YTHDC2: variants seen among roughly 807,000 people sequenced by gnomAD.
The protein encoded by YTHDC2 is 3'-5' RNA helicase YTHDC2.
Under a neutral mutation model 174.9 loss-of-function variants are expected in YTHDC2, and 45 were observed. That is an observed-to-expected ratio of 0.26 (90% CI 0.20 to 0.33). The LOEUF (loss-of-function observed/expected upper bound fraction) is 0.33. YTHDC2 is among the 10% of genes least tolerant of loss of function. The pLI is 1.00. For missense variants in YTHDC2, 1,650 were observed against 1,723.7 expected (o/e 0.96, Z 0.76); for synonymous variants, 657 against 574.5 (o/e 1.14, Z -2.05).
intron 4 of YTHDC2, among the ~76,000 whole-genome samples, chr5:113,530,062 A>G (rs780290310): frequency 6.6e-5 from 10 of 152,010 alleles, no homozygotes; most frequent in Non-Finnish European, 1.5e-4. Context: ...TCTGCCTCCT[A>G]AGTAGCTGGA....
At position 113,548,523 on chromosome 5, in the gene YTHDC2, A is replaced by C; in HGVS notation, c.1496-18A>C. On this transcript the variant is annotated intron_variant, in intron 10 of 29. Coordinates refer to ENST00000161863, the MANE Select transcript of YTHDC2 (RefSeq NM_022828.5). ...TACTTTGGAAATTTAAGTTTTATTT[A>C]TCTTTTCCTTTTTTTAGTTGATTAC... The C allele has an allele frequency of 6.4e-7, 1 of 1,572,592 alleles. No individual in the cohort carries two copies. The highest frequency in any genetic ancestry group is 1.2e-5 in the South Asian group (1 of 84,544).
Position 113,591,052 on chromosome 5 carries a change from T to A in YTHDC2, c.3837T>A (p.Ser1279=). 6.2e-7 allele frequency: 1 copy of A among 1,613,506 alleles called. No homozygotes were observed. The highest frequency in any genetic ancestry group is 8.5e-7 in the Non-Finnish European group (1 of 1,179,720). The change falls in exon 27 of 30, where the codon TCT becomes TCA. Residue 1279 remains serine (S), a synonymous_variant. Transcript: ENST00000161863. The part of the protein sequence containing the change: ...SPPSSGKGSK[S]PSPRPNMPVR... ...GTTTTCTTTTATAGGGCTCAAAATC[T>A]CCTTCGCCAAGACCAAACATGCCTG...
intron 23 of YTHDC2, among the ~76,000 whole-genome samples, chr5:113,572,474 A>C (rs2162841): frequency 0.12 from 18,962 of 152,296 alleles, 1,429 homozygotes; most frequent in Non-Finnish European, 0.18. Flanking sequence ...GTAGATATCT[A>C]TCAGGTCCAC....
intron 4 of YTHDC2, 26 bp downstream of exon 4, chr5:113,526,811 GAAAAAAAAAA>G: frequency 3.9e-6 from 1 of 256,432 alleles, no homozygotes; most frequent in East Asian, 1.3e-4. Flanking sequence ...GTTGTTTATA[GAAAAAAAAAA>G]AAAAAATATA....
At chr5:113,565,374 G>A (rs1197148901) in intron 20 of YTHDC2, among the ~76,000 whole-genome samples, 1 of 152,106 alleles carries the variant, frequency 6.6e-6, no homozygotes, top group Non-Finnish European at 1.5e-5. Flanking sequence ...AAGCAGAGAG[G>A]ATAAATTATT....
chr5:113,559,782 C>A (rs1465179433), intron 17 of YTHDC2, among the ~76,000 whole-genome samples: 1 of 152,202 alleles, frequency 6.6e-6, no homozygotes, highest in Non-Finnish European at 1.5e-5. Flanking sequence ...TGAAGCATTT[C>A]TTGGAAGAAT....
At chr5:113,536,803 T>G (rs966900147) in intron 7 of YTHDC2, among the ~76,000 whole-genome samples, 8 of 152,176 alleles carry the variant, frequency 5.3e-5, no homozygotes, top group African/African-American at 1.9e-4. Context: ...GTTCTTCATC[T>G]TCACAAAAAT....
At chr5:113,525,823 A>T (rs1298934866) in intron 3 of YTHDC2, among the ~76,000 whole-genome samples, 1 of 152,176 alleles carries the variant, frequency 6.6e-6, no homozygotes, top group African/African-American at 2.4e-5. Flanking sequence ...TAAAATTTAC[A>T]TAGTTATTAT....
At chr5:113,535,583 A>G in intron 6 of YTHDC2, 59 bp from the exon 7 acceptor site, 1 of 1,442,554 alleles carries the variant, frequency 6.9e-7, no homozygotes, top group Non-Finnish European at 9.2e-7. Flanking sequence ...ATTGTTTTTA[A>G]AGACTTAGTC....
rs2112838121 is a variant in YTHDC2 at position 113,594,970 on chromosome 5, A to G, written c.*1496A>G. On this transcript the variant is annotated 3_prime_UTR_variant, in exon 30 of 30. Transcript: ENST00000161863. ...GGGGTTTTCTTGTACTTTAAGACAT[A>G]CCTGTAAATTGAACCTATTTGAATT... 6.6e-6 allele frequency: 1 copy of G among 152,252 alleles called. No individual in the cohort carries two copies. Among genetic ancestry groups the G allele is most frequent in the South Asian group, 2.1e-4 (1 of 4,826 alleles). 9.4% of individuals were successfully genotyped at this position (152,252 alleles called of 1,614,324 possible).
chr5:113,548,417 T>G (rs1036239993), intron 10 of YTHDC2, 124 bp from the exon 11 acceptor site: 14 of 886,174 alleles, frequency 1.6e-5, no homozygotes, highest in Admixed American at 1.2e-4. Flanking sequence ...ATTATGTAGT[T>G]AAGGAGCAAC....
rs1580669958 is a variant in YTHDC2, at chr5:113,594,192, C to G, written c.*718C>G. 1 of 152,176 alleles carries G rather than the reference C, an allele frequency of 6.6e-6. No individual in the cohort carries two copies. The highest frequency in any genetic ancestry group is 1.5e-5 in the Non-Finnish European group (1 of 68,018). 9.4% of individuals were successfully genotyped at this position (152,176 alleles called of 1,614,324 possible). On this transcript the variant is annotated 3_prime_UTR_variant, in exon 30 of 30. Coordinates refer to ENST00000161863, the MANE Select transcript of YTHDC2 (RefSeq NM_022828.5). ...CCCTTTTAACCTGATGTGTACCTTA[C>G]TCTTTCCTCCCTCTCTTCCTCCCTT...
intron 7 of YTHDC2, among the ~76,000 whole-genome samples, chr5:113,538,269 T>A (rs1775219045): frequency 6.6e-6 from 1 of 152,142 alleles, no homozygotes; most frequent in South Asian, 2.1e-4. Context: ...TTAAATCCAT[T>A]CTCCATATTG....
chr5:113,559,237 T>A (rs115508996), intron 17 of YTHDC2, among the ~76,000 whole-genome samples: 1 of 152,068 alleles, frequency 6.6e-6, no homozygotes, highest in African/African-American at 2.4e-5. Context: ...ATGCATCTTA[T>A]GAAAAAAATT....
At chr5:113,562,493 C>G (rs1404986898) in intron 18 of YTHDC2, among the ~76,000 whole-genome samples, 18 of 152,118 alleles carry the variant, frequency 1.2e-4, no homozygotes, top group Non-Finnish European at 2.6e-4. Context: ...TTCTGTTCCT[C>G]CTGGGAGAAA....
Position 113,534,354 on chromosome 5 carries a change from C to T in YTHDC2, c.892C>T (p.Arg298Cys), listed in dbSNP as rs760445164. ...ATTTTGTACTAATGGGGTATTGCTT[C>T]GTACATTGATGGCAGGAGATAGTAC... Reference protein sequence around the residue: ...LTFCTNGVLLRTLMAGDSTLS... With the variant: ...LTFCTNGVLLCTLMAGDSTLS... The change falls in exon 6 of 30, where the codon CGT becomes TGT. Residue 298 changes from arginine (R) to cysteine (C), a missense_variant. Around this residue, in one of 5 missense-constraint regions of YTHDC2, gnomAD observed 411 missense variants for 380.6 expected, o/e 1.08. Coordinates refer to ENST00000161863, the MANE Select transcript of YTHDC2 (RefSeq NM_022828.5). 23 of 1,612,548 alleles carry T rather than the reference C, an allele frequency of 1.4e-5. No individual in the cohort carries two copies. The highest frequency in any genetic ancestry group is 2.2e-5 in the East Asian group (1 of 44,810).
chr5:113,524,513 A>G (rs1774083489), intron 2 of YTHDC2, among the ~76,000 whole-genome samples: 1 of 152,100 alleles, frequency 6.6e-6, no homozygotes, highest in Non-Finnish European at 1.5e-5. Context: ...TGGCTCTCTT[A>G]ACAGGTTTTC....
At chr5:113,540,488 A>C (rs561715894) in intron 8 of YTHDC2, among the ~76,000 whole-genome samples, 1 of 152,220 alleles carries the variant, frequency 6.6e-6, no homozygotes, top group Admixed American at 6.5e-5. Context: ...ACAGTTCTGC[A>C]TGGCTGGGGA....
rs1779191735 is a variant in YTHDC2 at position 113,595,083 on chromosome 5, T to C, written c.*1609T>C. On this transcript the variant is annotated 3_prime_UTR_variant, in exon 30 of 30. Transcript: ENST00000161863. Reference sequence around the variant, plus strand: ...ATGTGTACATTTTTTAGGCATGTACTTAATAGTTCACAATGTTCTAAATTT... The same window carrying C: ...ATGTGTACATTTTTTAGGCATGTACCTAATAGTTCACAATGTTCTAAATTT... 6.6e-6 allele frequency: 1 copy of C among 152,150 alleles called. No individual in the cohort carries two copies. The highest frequency in any genetic ancestry group is 2.4e-5 in the African/African-American group (1 of 41,456). The allele number at this position is 152,150 out of a possible 1,614,324, so 9.4% of individuals were successfully genotyped here.
Sources: allele counts gnomAD v4.1 joint callset (sites outside exome capture counted in the v4.1 genomes callset), GRCh38; gene constraint gnomAD v4.1.1; regional missense constraint gnomAD v4.1.1; transcripts MANE v1.5; gene names NCBI Gene and HGNC (gene_info 2026-07-23, HGNC 2026-07-21).